Variants in STXBP5 observed in about 807,000 individuals in gnomAD.
STXBP5 encodes syntaxin binding protein 5.
STXBP5 carries 50 observed loss-of-function variants against 152.4 expected under a neutral mutation model. That is an observed-to-expected ratio of 0.33 (90% CI 0.26 to 0.42). STXBP5 has a LOEUF of 0.42. Among genes scored for constraint, STXBP5 ranks in the 10% least tolerant of loss-of-function variants. The probability of loss-of-function intolerance (pLI) is 1.00; values close to 1 mark genes in which losing one functional copy is unlikely to be tolerated. For missense variants in STXBP5, 1,167 were observed against 1,388.6 expected (o/e 0.84, Z 2.54); for synonymous variants, 492 against 494.7 (o/e 0.99, Z 0.07).
intron 4 of STXBP5, among the ~76,000 whole-genome samples, chr6:147,240,337 C>T (rs979164476): frequency 1.3e-5 from 2 of 152,130 alleles, no homozygotes; most frequent in Non-Finnish European, 2.9e-5. Context: ...ATAGTCCCTT[C>T]CCTCAATAGT....
chr6:147,320,112 A>G (rs559730873), intron 16 of STXBP5, among the ~76,000 whole-genome samples: 167 of 152,228 alleles, frequency 1.1e-3, no homozygotes, highest in African/African-American at 3.8e-3. Context: ...CTGGGATTAC[A>G]GATGTTAGCC....
At chr6:147,237,963 G>A (rs1249832965) in intron 3 of STXBP5, among the ~76,000 whole-genome samples, 1 of 152,162 alleles carries the variant, frequency 6.6e-6, no homozygotes, top group African/African-American at 2.4e-5. Flanking sequence ...ACATTCAGAT[G>A]TCTTAATAAA....
intron 7 of STXBP5, among the ~76,000 whole-genome samples, chr6:147,273,062 T>C (rs1780254479): frequency 6.6e-6 from 1 of 152,040 alleles, no homozygotes; most frequent in African/African-American, 2.4e-5. Flanking sequence ...TATTAAAATA[T>C]CAAGTATTGG....
intron 21 of STXBP5, among the ~76,000 whole-genome samples, chr6:147,345,175 A>G (rs1026531537): frequency 4.6e-5 from 7 of 152,146 alleles, no homozygotes; most frequent in South Asian, 2.1e-4. Flanking sequence ...TAAAATTCCA[A>G]TGACAGTTTT....
intron 9 of STXBP5, among the ~76,000 whole-genome samples, chr6:147,299,014 A>G (rs1187552988): frequency 6.6e-6 from 1 of 152,086 alleles, no homozygotes; most frequent in African/African-American, 2.4e-5. Flanking sequence ...ATAAAAATAC[A>G]AAGTAGCAAT....
chr6:147,237,282 AATTATAAATAC>A (rs1241714830), intron 3 of STXBP5, among the ~76,000 whole-genome samples: 4 of 152,072 alleles, frequency 2.6e-5, no homozygotes, highest in African/African-American at 4.8e-5. Context: ...TGACCTGTTA[AATTATAAATAC>A]ATTATAAATA....
Position 147,310,198 on chromosome 6 carries a change from T to G in STXBP5, c.1032T>G (p.Ile344Met). The change falls in exon 10 of 28, where the codon ATT becomes ATG. Residue 344 changes from isoleucine to methionine, a missense_variant. Coordinates refer to ENST00000321680, the MANE Select transcript of STXBP5 (RefSeq NM_001127715.4). ...CTGTGCTAGAAATGGACTATTCAAT[T>G]GTTGATTTTCTAACGCTGTGTGAAA... is the stretch of plus-strand genomic sequence containing the variant. ...STAVLEMDYS[I>M]VDFLTLCETP... The G allele has an allele frequency of 6.3e-7, 1 of 1,598,536 alleles. No homozygotes were observed. The highest frequency in any genetic ancestry group is 8.5e-7 in the Non-Finnish European group (1 of 1,175,616).
intron 8 of STXBP5, among the ~76,000 whole-genome samples, chr6:147,285,958 T>C (rs1368453840): frequency 6.6e-6 from 1 of 152,170 alleles, no homozygotes; most frequent in Non-Finnish European, 1.5e-5. Flanking sequence ...ACTCTCCCAC[T>C]AGAACTCTGC....
At chr6:147,272,654 A>G (rs1780230706) in intron 7 of STXBP5, among the ~76,000 whole-genome samples, 1 of 152,134 alleles carries the variant, frequency 6.6e-6, no homozygotes, top group African/African-American at 2.4e-5. Flanking sequence ...TTTATGTTCT[A>G]TTCAGTGGTA....
Position 147,260,710 on chromosome 6 carries a change from T to C in STXBP5, c.527T>C (p.Leu176Pro), listed in dbSNP as rs1562445800. 6.2e-7 allele frequency: 1 copy of C among 1,613,698 alleles called. No individual in the cohort carries two copies. The highest frequency in any genetic ancestry group is 8.5e-7 in the Non-Finnish European group (1 of 1,179,696). Reference protein sequence around the residue: ...IHIVNVESFTLSGYVIMWNKA... With the variant: ...IHIVNVESFTPSGYVIMWNKA... ...ATTGTCAATGTGGAGTCCTTCACAC[T>C]CTCAGGCTACGTCATTATGTGGAAT... Residue 176 changes from leucine to proline, a missense_variant, in exon 5 of 28, where the codon CTC (leucine) becomes CCC (proline). Leu to Pro is a moderately conservative substitution (Grantham distance 98). This residue lies in a region of STXBP5 where 310 missense variants were observed against 346.1 expected (regional missense o/e 0.90). Coordinates refer to ENST00000321680, the MANE Select transcript of STXBP5 (RefSeq NM_001127715.4).
intron 8 of STXBP5, among the ~76,000 whole-genome samples, chr6:147,280,439 C>T (rs1374160609): frequency 1.3e-5 from 2 of 152,196 alleles, no homozygotes; most frequent in Admixed American, 6.5e-5. Flanking sequence ...TGCTAGTTCT[C>T]TCCATTATTA....
intron 4 of STXBP5, among the ~76,000 whole-genome samples, chr6:147,259,253 G>T (rs1216291174): frequency 6.6e-6 from 1 of 152,058 alleles, no homozygotes; most frequent in African/African-American, 2.4e-5. Flanking sequence ...ACATAGTGAT[G>T]CTTAAAATAT....
chr6:147,260,581 A>G (rs2115337141), intron 4 of STXBP5, 34 bp from the exon 5 acceptor site: 1 of 1,612,790 alleles, frequency 6.2e-7, no homozygotes, highest in Non-Finnish European at 8.5e-7. Flanking sequence ...GCCATTTTTC[A>G]AATTTCTTTT....
chr6:147,235,366 C>G lies in STXBP5; in HGVS notation c.330+35C>G, dbSNP rs1393793965. The G allele has an allele frequency of 3.9e-6, 6 of 1,544,198 alleles. No homozygotes were observed. The African/African-American group carries it at 4.1e-5, about 11-fold the overall frequency. On this transcript the variant is annotated intron_variant, in intron 3 of 27. Transcript: ENST00000321680. ...TTGTTTTAATCATTTCTACTTATAT[C>G]CAAAATAGGGCCACTTCTAGTCTTT...
At chr6:147,362,319 A>G (rs962848566) in intron 23 of STXBP5, among the ~76,000 whole-genome samples, 1 of 152,230 alleles carries the variant, frequency 6.6e-6, no homozygotes, top group Non-Finnish European at 1.5e-5. Context: ...AAAACCTTAT[A>G]TAAATTTAAA....
intron 21 of STXBP5, among the ~76,000 whole-genome samples, chr6:147,351,075 T>C (rs1397622490): frequency 6.6e-6 from 1 of 152,212 alleles, no homozygotes; most frequent in Admixed American, 6.5e-5. Flanking sequence ...GTACTGGGAT[T>C]AATAGTTTTG....
chr6:147,357,605 G>A (rs1784871183), intron 22 of STXBP5, among the ~76,000 whole-genome samples: 2 of 152,036 alleles, frequency 1.3e-5, no homozygotes, highest in African/African-American at 4.8e-5. Flanking sequence ...GAGATCAGCT[G>A]GGAATTGTCT....
intron 25 of STXBP5, among the ~76,000 whole-genome samples, chr6:147,366,367 C>T (rs149555959): frequency 7.5e-4 from 114 of 152,310 alleles, no homozygotes; most frequent in Non-Finnish European, 1.2e-3. Flanking sequence ...TATTAGTTTC[C>T]TGAGGCCACA....
intron 9 of STXBP5, among the ~76,000 whole-genome samples, chr6:147,302,643 C>T (rs188902860): frequency 4.5e-4 from 69 of 151,876 alleles, no homozygotes; most frequent in Non-Finnish European, 5.4e-4. Flanking sequence ...GGTGAAACCC[C>T]GACTCTCCTA....
Sources: allele counts gnomAD v4.1 joint callset (sites outside exome capture counted in the v4.1 genomes callset), GRCh38; gene constraint gnomAD v4.1.1; regional missense constraint gnomAD v4.1.1; transcripts MANE v1.5; gene names NCBI Gene and HGNC (gene_info 2026-07-23, HGNC 2026-07-21).